Variants in CACHD1 observed in about 807,000 individuals in gnomAD.
The protein encoded by CACHD1 is cache domain containing 1.
In CACHD1, 71 loss-of-function variants were observed where a neutral mutation model predicts 138.7. The ratio of observed to expected loss-of-function variants is 0.51; its 90% CI spans 0.42 to 0.62. The LOEUF is 0.62. Ranked by LOEUF, CACHD1 falls within the 20% of genes least tolerant of loss-of-function variation. CACHD1 has a pLI of 0.00. For missense variants in CACHD1, 1,389 were observed against 1,625.3 expected, an observed-to-expected ratio of 0.85 and a Z score of 2.50; for synonymous variants, 578 against 591.5, an observed-to-expected ratio of 0.98 and a Z score of 0.33.
intron 16 of CACHD1, among the ~76,000 whole-genome samples, chr1:64,668,772 T>A (rs775688342): frequency 5.9e-5 from 9 of 152,240 alleles, no homozygotes; most frequent in Non-Finnish European, 4.4e-5. Context: ...TATTTAGAGC[T>A]GTGTATTTTT....
chr1:64,653,920 G>A (rs764925798), intron 11 of CACHD1, 39 bp downstream of exon 11: 1 of 1,594,912 alleles, frequency 6.3e-7, no homozygotes, highest in Non-Finnish European at 8.6e-7. Context: ...GTTTTTCCCT[G>A]AGAATGGGAC....
intron 9 of CACHD1, among the ~76,000 whole-genome samples, chr1:64,648,563 A>T (rs1016563008): frequency 6.6e-6 from 1 of 152,220 alleles, no homozygotes; most frequent in East Asian, 1.9e-4. Flanking sequence ...TTAATCTAGG[A>T]TTACCTAGAT....
intron 19 of CACHD1, 70 bp downstream of exon 19, chr1:64,673,534 C>A: frequency 1.7e-6 from 2 of 1,202,758 alleles, no homozygotes; most frequent in Non-Finnish European, 2.5e-6. Flanking sequence ...GGAATCATGG[C>A]TAGTGTCTGA....
Position 64,653,869 on chromosome 1 carries a change from A to G in CACHD1, c.1652A>G (p.Gln551Arg). The stretch of plus-strand genomic sequence containing the variant: ...ATTCCAAAATTTGAATTAGTTCGGC[A>G]AAATATCCTAAGGTAAGGAAAAGGT... ...ENIPKFELVRQNILSLPLGSQ... is the reference protein window; with the variant it reads ...ENIPKFELVRRNILSLPLGSQ... Residue 551 changes from glutamine (Q) to arginine (R), a missense_variant, in exon 11 of 27, where the codon CAA becomes CGA. Around this residue, in one of 5 missense-constraint regions of CACHD1, gnomAD observed 1,000 missense variants for 1,114.7 expected, o/e 0.90. Coordinates refer to ENST00000651257, the MANE Select transcript of CACHD1 (RefSeq NM_020925.4). 2 of 1,613,130 alleles carry G rather than the reference A, an allele frequency of 1.2e-6. No homozygotes were observed. The highest frequency in any genetic ancestry group is 1.7e-6 in the Non-Finnish European group (2 of 1,179,538).
intron 9 of CACHD1, among the ~76,000 whole-genome samples, chr1:64,649,133 G>T (rs529439737): frequency 6.6e-5 from 10 of 152,258 alleles, no homozygotes; most frequent in Non-Finnish European, 1.3e-4. Context: ...TATAGAGAAG[G>T]TGTTTTCTAG....
rs4915998 is a variant in CACHD1, at chr1:64,680,979, T to G, written c.3407-279T>G. 9.0e-3 allele frequency among the ~76,000 whole-genome samples: 1,374 copies of G among 152,334 alleles called. 8 individuals are homozygous for G. The highest frequency in any genetic ancestry group is 0.024 in the Middle Eastern group (7 of 294). On this transcript the variant is annotated intron_variant, in intron 24 of 26. Transcript: ENST00000651257. ...CTTTCCTTCTGTTTCAGTACTTTAGTAGAGGATTAAAGATTTGTTGGCCTC... is the reference window on the plus strand; with the variant it reads ...CTTTCCTTCTGTTTCAGTACTTTAGGAGAGGATTAAAGATTTGTTGGCCTC...
At chr1:64,643,521 T>C (rs1349902688) in intron 8 of CACHD1, among the ~76,000 whole-genome samples, 1 of 152,176 alleles carries the variant, frequency 6.6e-6, no homozygotes, top group Non-Finnish European at 1.5e-5. Context: ...TTAAAGTTCT[T>C]AATGTAGTAC....
chr1:64,683,144 C>A (rs934979344), intron 26 of CACHD1, among the ~76,000 whole-genome samples: 9 of 152,172 alleles, frequency 5.9e-5, no homozygotes, highest in African/African-American at 1.7e-4. Context: ...GGTCTTCAAA[C>A]TCCCTTTGGC....
chr1:64,589,549 A>G (rs1189576341), intron 3 of CACHD1, among the ~76,000 whole-genome samples: 1 of 151,928 alleles, frequency 6.6e-6, no homozygotes, highest in Non-Finnish European at 1.5e-5. Flanking sequence ...AGTATTGTGG[A>G]GGTACAAGTC....
intron 3 of CACHD1, among the ~76,000 whole-genome samples, chr1:64,588,261 C>A (rs1417902507): frequency 6.6e-6 from 1 of 152,106 alleles, no homozygotes; most frequent in African/African-American, 2.4e-5. Flanking sequence ...CTCATTCTCT[C>A]AAGTTTTAAA....
chr1:64,660,249 A>G (rs1025407341), intron 13 of CACHD1, among the ~76,000 whole-genome samples: 8 of 152,148 alleles, frequency 5.3e-5, no homozygotes, highest in South Asian at 2.1e-4. Context: ...ATAAATTACA[A>G]TAGTTTTCTT....
intron 1 of CACHD1, among the ~76,000 whole-genome samples, chr1:64,477,510 C>G (rs1211115756): frequency 2.0e-5 from 3 of 151,736 alleles, no homozygotes; most frequent in Non-Finnish European, 4.4e-5. Context: ...ACCTCTCACC[C>G]AGCTTAGACA....
At chr1:64,471,565 G>C (rs377315412) in intron 1 of CACHD1, among the ~76,000 whole-genome samples, 9 of 152,216 alleles carry the variant, frequency 5.9e-5, no homozygotes, top group Admixed American at 4.6e-4. Context: ...GGGAGCATGG[G>C]GGGAGGGGCT....
intron 1 of CACHD1, among the ~76,000 whole-genome samples, chr1:64,518,781 G>A (rs1457526284): frequency 6.6e-6 from 1 of 152,180 alleles, no homozygotes; most frequent in Admixed American, 6.5e-5. Flanking sequence ...AAGGGAAAGA[G>A]GATGGGACAG....
At chr1:64,605,305 T>G (rs1157571059) in intron 4 of CACHD1, among the ~76,000 whole-genome samples, 1 of 152,208 alleles carries the variant, frequency 6.6e-6, no homozygotes, top group Non-Finnish European at 1.5e-5. Flanking sequence ...TAATTAAGTT[T>G]TAAATATTAG....
chr1:64,486,229 T>A (rs748671260), intron 1 of CACHD1, among the ~76,000 whole-genome samples: 3 of 152,214 alleles, frequency 2.0e-5, no homozygotes, highest in Non-Finnish European at 2.9e-5. Context: ...TTTTAAATAA[T>A]TTAATGATTT....
rs773883977 is a variant in CACHD1 at position 64,682,051 on chromosome 1, C to T, written c.3531C>T (p.His1177=). The change falls in exon 26 of 27, where the codon CAC becomes CAT. Residue 1177 remains histidine, a synonymous_variant. Coordinates refer to ENST00000651257, the MANE Select transcript of CACHD1 (RefSeq NM_020925.4). Reference sequence around the variant, plus strand: ...CTGCGGTCATCGAACGACATGCACACAGTCCAGAAAGAAGGCGCCGCTACT... The same window carrying T: ...CTGCGGTCATCGAACGACATGCACATAGTCCAGAAAGAAGGCGCCGCTACT... ...FIAAVIERHA[H]SPERRRRYWG... The T allele has an allele frequency of 3.7e-6, 6 of 1,613,998 alleles. No homozygotes were observed. Among genetic ancestry groups the T allele is most frequent in the Admixed American group, 3.3e-5 (2 of 60,000 alleles).
At chr1:64,595,637 TA>T (rs1192622330) in intron 3 of CACHD1, among the ~76,000 whole-genome samples, 1 of 152,146 alleles carries the variant, frequency 6.6e-6, no homozygotes, top group Non-Finnish European at 1.5e-5. Context: ...GATAAATATT[TA>T]ATGTGGTTGT....
At chr1:64,668,937 A>G (rs532829921) in intron 16 of CACHD1, among the ~76,000 whole-genome samples, 1 of 152,100 alleles carries the variant, frequency 6.6e-6, no homozygotes, top group East Asian at 1.9e-4. Flanking sequence ...TGAGAACTTC[A>G]TCCCTCCTAA....
Sources: allele counts gnomAD v4.1 joint callset (sites outside exome capture counted in the v4.1 genomes callset), GRCh38; gene constraint gnomAD v4.1.1; regional missense constraint gnomAD v4.1.1; transcripts MANE v1.5; gene names NCBI Gene and HGNC (gene_info 2026-07-23, HGNC 2026-07-21).